MAST3: variants seen among roughly 807,000 people sequenced by gnomAD.
MAST3 encodes microtubule-associated serine/threonine-protein kinase 3.
In MAST3, 43 loss-of-function variants were observed where a neutral mutation model predicts 127.0. The observed-to-expected ratio is 0.34, with a 90% CI of 0.27 to 0.44. MAST3 has a LOEUF of 0.44. Ranked by LOEUF, MAST3 falls within the 20% of genes least tolerant of loss-of-function variation. MAST3 has a pLI of 1.00. For synonymous variants in MAST3, 785 were observed against 809.2 expected (o/e 0.97, Z 0.51); for missense variants, 1,390 against 1,919.1 (o/e 0.72, Z 5.15).
intron 15 of MAST3, among the ~76,000 whole-genome samples, chr19:18,132,787 G>C (rs1006577006): frequency 1.3e-5 from 2 of 152,212 alleles, no homozygotes; most frequent in African/African-American, 4.8e-5. Context: ...CATGTGTGGA[G>C]ATGTGAACAT....
At chr19:18,119,226 G>A (rs914469133) in intron 3 of MAST3, among the ~76,000 whole-genome samples, 5 of 152,280 alleles carry the variant, frequency 3.3e-5, no homozygotes, top group Admixed American at 2.6e-4. Context: ...AGAAGACCTC[G>A]CCCAAGAACA....
chr19:18,104,472 C>T (rs2037906886), intron 1 of MAST3, among the ~76,000 whole-genome samples: 1 of 152,098 alleles, frequency 6.6e-6, no homozygotes, highest in Non-Finnish European at 1.5e-5. Flanking sequence ...CCGCCTCTCC[C>T]GGGAGACCTT....
chr19:18,139,905 C>T (rs1397193249), intron 20 of MAST3, among the ~76,000 whole-genome samples: 10 of 146,486 alleles, frequency 6.8e-5, no homozygotes, highest in Non-Finnish European at 1.1e-4. Context: ...CTGCAAGCTC[C>T]GCCTCCCGGG....
At chr19:18,138,435 C>T (rs1345654921) in intron 19 of MAST3, among the ~76,000 whole-genome samples, 1 of 151,854 alleles carries the variant, frequency 6.6e-6, no homozygotes, top group Non-Finnish European at 1.5e-5. Context: ...TCTGCCTCAG[C>T]CTCCCGAGTA....
chr19:18,129,705 G>A (rs565300332), intron 13 of MAST3, among the ~76,000 whole-genome samples: 16 of 152,126 alleles, frequency 1.1e-4, no homozygotes, highest in South Asian at 6.2e-4. Flanking sequence ...TAGGAGGATC[G>A]CTTGAGGCCA....
intron 1 of MAST3, among the ~76,000 whole-genome samples, chr19:18,105,868 C>A (rs1473955198): frequency 2.6e-5 from 4 of 151,982 alleles, no homozygotes; most frequent in African/African-American, 7.3e-5. Flanking sequence ...GCCGTCCTCC[C>A]CACGCCCCCA....
chr19:18,107,105 C>G (rs1015755587), intron 1 of MAST3, among the ~76,000 whole-genome samples: 1 of 151,438 alleles, frequency 6.6e-6, no homozygotes, highest in Non-Finnish European at 1.5e-5. Context: ...TGTGAGCCAC[C>G]GCACCCGGCC....
Position 18,121,678 on chromosome 19 carries a change from C to T in MAST3, c.162-7C>T, listed in dbSNP as rs754646722. On this transcript the variant is annotated splice_polypyrimidine_tract_variant and splice_region_variant and intron_variant, in intron 3 of 27. Transcript: ENST00000687212. ...GCCACCTACCCTGTCCCCTTTTCCCCCCACAGCTGCCGCAGCGGGAACCGC... is the reference window on the plus strand; with the variant it reads ...GCCACCTACCCTGTCCCCTTTTCCCTCCACAGCTGCCGCAGCGGGAACCGC... 19 of 1,613,076 alleles carry T rather than the reference C, an allele frequency of 1.2e-5. No individual in the cohort carries two copies. The African/African-American group carries it at 2.4e-4, about 20-fold the overall frequency.
At chr19:18,124,197 G>A (rs1392098703) in intron 9 of MAST3, 49 bp downstream of exon 9, 2 of 1,590,786 alleles carry the variant, frequency 1.3e-6, no homozygotes, top group African/African-American at 1.3e-5. Flanking sequence ...GGGACGTGGA[G>A]TGAGGGGGGT....
intron 11 of MAST3, among the ~76,000 whole-genome samples, chr19:18,126,058 CAAA>C (rs200967573): frequency 6.9e-6 from 1 of 145,892 alleles, no homozygotes; most frequent in Non-Finnish European, 1.5e-5. Flanking sequence ...GCCTACATTT[CAAA>C]AAAAAAAAGA....
Position 18,105,693 on chromosome 19 carries a change from C to CA in MAST3, c.40-1885dup, listed in dbSNP as rs951410337. 3.2e-4 allele frequency among the ~76,000 whole-genome samples: 48 copies of CA among 151,194 alleles called. No homozygotes were observed. The Middle Eastern group carries it at 0.01, about 32-fold the overall frequency. On this transcript the variant is annotated intron_variant, in intron 1 of 27. Transcript: ENST00000687212. Reference sequence around the variant, plus strand: ...TGTCTCAAAAAAACAAAAACAACAACAAAAAAAAACCCTCTTGGGCAGCCC... The same window carrying CA: ...TGTCTCAAAAAAACAAAAACAACAACAAAAAAAAAACCCTCTTGGGCAGCCC...
intron 20 of MAST3, among the ~76,000 whole-genome samples, 199 bp downstream of exon 20, chr19:18,139,323 T>C (rs1007507383): frequency 2.7e-5 from 4 of 150,108 alleles, no homozygotes; most frequent in African/African-American, 9.9e-5. Flanking sequence ...ATTGTATTGG[T>C]TTTTTGTTTT....
In MAST3 at chr19:18,145,349, C is replaced by T. The variant is rs1056457537; in HGVS notation, c.3039+120C>T. ...GTTAGGTAGATAGAGCTGGTGCCAC[C>T]GAGTTCATCTCGGTCCCTGTCATTT... On this transcript the variant is annotated intron_variant, in intron 24 of 27. Transcript: ENST00000687212. The surrounding 1 kb of genome is among the most constrained non-coding windows in gnomAD (Gnocchi z 5.9). 3.9e-5 allele frequency: 36 copies of T among 925,160 alleles called. No individual in the cohort carries two copies. The highest frequency in any genetic ancestry group is 5.5e-5 in the Non-Finnish European group (32 of 584,854). The allele number at this position is 925,160 out of a possible 1,614,324, so 57.3% of individuals were successfully genotyped here. A position where few individuals can be genotyped will look rare whatever the true frequency, so the allele number is the denominator to read the frequency against.
At chr19:18,141,146 T>TA (rs2042430967) in intron 20 of MAST3, among the ~76,000 whole-genome samples, 1 of 152,102 alleles carries the variant, frequency 6.6e-6, no homozygotes, top group Admixed American at 6.6e-5. Flanking sequence ...CTACTTTTTT[T>TA]ATGATCTGAT....
Position 18,108,741 on chromosome 19 carries a change from G to GA in MAST3, c.71+1126dup, listed in dbSNP as rs2038266941. Among the ~76,000 whole-genome samples the GA allele has an allele frequency of 3.9e-5, 6 of 152,254 alleles. No individual in the cohort carries two copies. The South Asian group carries it at 1.2e-3, about 32-fold the overall frequency. On this transcript the variant is annotated intron_variant, in intron 2 of 27. Coordinates refer to ENST00000687212, the MANE Select transcript of MAST3 (RefSeq NM_001393504.1). ...TGCTTTCATTCATTTACAGATGAAA[G>GA]AAACCAAAGGCCGGGGTGGGGAGGG...
At chr19:18,118,058 C>G (rs1263669685) in intron 3 of MAST3, 41 of 979,586 alleles carry the variant, frequency 4.2e-5, no homozygotes, top group Non-Finnish European at 4.7e-5. Flanking sequence ...CCCGCAGCCC[C>G]GTGCGCCCCC....
intron 1 of MAST3, chr19:18,098,823 T>G (rs1338206478): frequency 2.2e-6 from 1 of 456,168 alleles, no homozygotes; most frequent in East Asian, 6.9e-5. Flanking sequence ...TTCTGCAACC[T>G]CTGGAGCTGC....
chr19:18,141,458 C>T (rs1171545021), intron 20 of MAST3, among the ~76,000 whole-genome samples: 3 of 145,138 alleles, frequency 2.1e-5, no homozygotes, highest in South Asian at 2.2e-4. Context: ...CTGCAACCTC[C>T]GCCTTCTGGG....
intron 20 of MAST3, among the ~76,000 whole-genome samples, chr19:18,141,377 C>T (rs377030612): frequency 4.6e-4 from 56 of 122,712 alleles, no homozygotes; most frequent in South Asian, 7.4e-4. Context: ...AGCCAGCTTT[C>T]TTTTTTTTTT....
Sources: gnomAD v4.1 joint callset for allele counts (sites outside exome capture counted in the v4.1 genomes callset) on GRCh38, gnomAD v4.1.1 for gene constraint, Gnocchi (gnomAD v3.1) non-coding constraint, MANE v1.5 for transcripts, NCBI Gene and HGNC (gene_info 2026-07-23, HGNC 2026-07-21) for gene names.